Variants in TIMP3 observed in about 807,000 individuals in gnomAD.
The protein encoded by TIMP3 is TIMP metallopeptidase inhibitor 3, also known as metalloproteinase inhibitor 3.
In TIMP3, 11 loss-of-function variants were observed where a neutral mutation model predicts 30.0. That is an observed-to-expected ratio of 0.37 (90% CI 0.23 to 0.61). The LOEUF is 0.61. TIMP3 is among the 20% of genes least tolerant of loss of function. The pLI is 0.70. For synonymous variants in TIMP3, 112 were observed against 111.3 expected (o/e 1.01, Z -0.04); for missense variants, 181 against 276.8 (o/e 0.65, Z 2.45).
At chr22:32,823,691 G>C (rs1157015188) in intron 1 of TIMP3, among the ~76,000 whole-genome samples, 2 of 151,964 alleles carry the variant, frequency 1.3e-5, no homozygotes, top group Non-Finnish European at 2.9e-5. Context: ...AGCTTGGTGG[G>C]CTCCCATGGT....
chr22:32,849,490 G>C lies in TIMP3; in HGVS notation c.160G>C (p.Glu54Gln). The C allele has an allele frequency of 6.2e-7, 1 of 1,613,884 alleles. No individual in the cohort carries two copies. Among genetic ancestry groups the C allele is most frequent in the Non-Finnish European group, 8.5e-7 (1 of 1,179,932 alleles). Residue 54 changes from glutamate (E) to glutamine (Q), a missense_variant, in exon 2 of 5, where the codon GAG becomes CAG. This residue lies in a region of TIMP3 where 71 missense variants were observed against 79.7 expected (regional missense o/e 0.89). Transcript: ENST00000266085. ...AKVVGKKLVK[E>Q]GPFGTLVYTI... ...GGTGGTGGGGAAGAAGCTGGTAAAGGAGGGGCCCTTCGGCACGCTGGTCTA... is the reference window on the plus strand; with the variant it reads ...GGTGGTGGGGAAGAAGCTGGTAAAGCAGGGGCCCTTCGGCACGCTGGTCTA...
intron 2 of TIMP3, among the ~76,000 whole-genome samples, chr22:32,849,930 A>T (rs548140876): frequency 6.6e-6 from 1 of 151,972 alleles, no homozygotes; most frequent in East Asian, 1.9e-4. Context: ...CTGAGCTCTG[A>T]CTATCTGGGA....
chr22:32,842,294 G>C (rs1211912586), intron 1 of TIMP3, among the ~76,000 whole-genome samples: 2 of 152,164 alleles, frequency 1.3e-5, no homozygotes, highest in Non-Finnish European at 2.9e-5. Context: ...AGTTGGGATT[G>C]TGGTGATCAA....
chr22:32,848,981 G>A (rs1485246814), intron 1 of TIMP3, among the ~76,000 whole-genome samples: 1 of 152,186 alleles, frequency 6.6e-6, no homozygotes, highest in Admixed American at 6.6e-5. Context: ...CTGTAGACAT[G>A]TCAAGATGTG....
At chr22:32,822,703 C>T (rs970933358) in intron 1 of TIMP3, among the ~76,000 whole-genome samples, 2 of 152,144 alleles carry the variant, frequency 1.3e-5, no homozygotes, top group East Asian at 3.9e-4. Context: ...GCTAAGGTGT[C>T]ATCAGTGCTG....
chr22:32,825,262 G>A (rs906949419), intron 1 of TIMP3, among the ~76,000 whole-genome samples: 8 of 152,124 alleles, frequency 5.3e-5, no homozygotes, highest in African/African-American at 1.7e-4. Flanking sequence ...GATGGCTGGC[G>A]GAAGATCTGC....
intron 1 of TIMP3, among the ~76,000 whole-genome samples, chr22:32,833,468 G>A (rs2047637836): frequency 6.6e-6 from 1 of 152,188 alleles, no homozygotes; most frequent in South Asian, 2.1e-4. Context: ...GCTGACCTAG[G>A]TCAGAGATGG....
At chr22:32,829,539 G>A (rs2047515242) in intron 1 of TIMP3, among the ~76,000 whole-genome samples, 1 of 152,230 alleles carries the variant, frequency 6.6e-6, no homozygotes, top group South Asian at 2.1e-4. Context: ...ACCGCAGCAG[G>A]GCTGCCCGCC....
chr22:32,846,752 T>G (rs2048074678), intron 1 of TIMP3, among the ~76,000 whole-genome samples: 1 of 152,200 alleles, frequency 6.6e-6, no homozygotes, highest in Non-Finnish European at 1.5e-5. Context: ...GTTAGCCACA[T>G]GAGAGGCACT....
chr22:32,820,259 T>TGC (rs937542859), intron 1 of TIMP3, among the ~76,000 whole-genome samples: 1 of 149,040 alleles, frequency 6.7e-6, no homozygotes, highest in African/African-American at 2.5e-5. Flanking sequence ...TGTGTGTGTG[T>TGC]GTGCGTGCGC....
rs574391040 is a variant in TIMP3, at chr22:32,803,579, T to A, written c.121+1457T>A. Among the ~76,000 whole-genome samples the A allele has an allele frequency of 3.3e-5, 5 of 152,280 alleles. 1 individual carries two copies. In the South Asian group the frequency reaches 8.3e-4, roughly 25 times the overall value. ...AGGATTTGTGGATTGCTTAGAAAGA[T>A]CCTTTTGGGCAGCCTGAAGACTGGG... On this transcript the variant is annotated intron_variant, in intron 1 of 4. Transcript: ENST00000266085.
chr22:32,811,856 C>T (rs1003062340), intron 1 of TIMP3, among the ~76,000 whole-genome samples: 1 of 152,188 alleles, frequency 6.6e-6, no homozygotes, highest in African/African-American at 2.4e-5. Context: ...CCTCTTTAGA[C>T]AGCTCCCATT....
intron 1 of TIMP3, among the ~76,000 whole-genome samples, chr22:32,807,355 A>AATATATAAATATATT (rs1555968073): frequency 5.0e-5 from 1 of 19,904 alleles, no homozygotes; most frequent in Non-Finnish European, 9.6e-5. Flanking sequence ...ATAAATATAT[A>AATATATAAATATATT]ATATATAATA....
intron 1 of TIMP3, among the ~76,000 whole-genome samples, chr22:32,810,892 G>T (rs930926120): frequency 2.0e-5 from 3 of 152,102 alleles, no homozygotes; most frequent in African/African-American, 7.2e-5. Context: ...CTGCCTTTTC[G>T]ATTTGGAAAC....
chr22:32,823,030 T>C (rs895206747), intron 1 of TIMP3, among the ~76,000 whole-genome samples: 5 of 152,200 alleles, frequency 3.3e-5, no homozygotes, highest in African/African-American at 1.2e-4. Flanking sequence ...CTCTGCGCTG[T>C]GGGATTTTGG....
intron 1 of TIMP3, among the ~76,000 whole-genome samples, chr22:32,839,055 G>A (rs1251679564): frequency 6.6e-6 from 1 of 151,816 alleles, no homozygotes; most frequent in Non-Finnish European, 1.5e-5. Flanking sequence ...GGGTCTTGCA[G>A]GAAGCCAAAG....
intron 1 of TIMP3, among the ~76,000 whole-genome samples, chr22:32,811,524 C>T (rs903353280): frequency 3.3e-5 from 5 of 152,264 alleles, no homozygotes; most frequent in African/African-American, 7.2e-5. Flanking sequence ...TTGATCCCCC[C>T]GCCTCCAAAT....
rs1218644566 is a variant in TIMP3, at chr22:32,860,597, A to G, written c.*1220A>G. On this transcript the variant is annotated 3_prime_UTR_variant, in exon 5 of 5. Transcript: ENST00000266085. ...CCGTCAGCACCCTCTCTTCCCTATCATGGGTCATCTGACCCCTGTCCGTCT... is the reference window on the plus strand; with the variant it reads ...CCGTCAGCACCCTCTCTTCCCTATCGTGGGTCATCTGACCCCTGTCCGTCT... 1 of 152,462 alleles carries G rather than the reference A, an allele frequency of 6.6e-6. No individual in the cohort carries two copies. Among genetic ancestry groups the G allele is most frequent in the African/African-American group, 2.4e-5 (1 of 41,378 alleles). The allele number at this position is 152,462 out of a possible 1,614,324, so 9.4% of individuals were successfully genotyped here.
chr22:32,848,328 G>C (rs1461933969), intron 1 of TIMP3, among the ~76,000 whole-genome samples: 1 of 152,126 alleles, frequency 6.6e-6, no homozygotes, highest in Non-Finnish European at 1.5e-5. Context: ...AAGATCTTTC[G>C]TTCAATCCTG....
Sources: gnomAD v4.1 joint callset for allele counts (sites outside exome capture counted in the v4.1 genomes callset) on GRCh38, gnomAD v4.1.1 for gene constraint, gnomAD v4.1.1 regional missense constraint, MANE v1.5 for transcripts, NCBI Gene and HGNC (gene_info 2026-07-23, HGNC 2026-07-21) for gene names.